GRID2: variants seen among roughly 807,000 people sequenced by gnomAD.
The protein encoded by GRID2 is glutamate receptor ionotropic, delta-2.
A neutral mutation model predicts 114.8 loss-of-function variants in GRID2; 33 were observed. The observed-to-expected ratio is 0.29, with a 90% CI of 0.22 to 0.38. The LOEUF (loss-of-function observed/expected upper bound fraction) is 0.38. GRID2 is among the 10% of genes least tolerant of loss of function. The pLI, the probability that GRID2 is intolerant of heterozygous loss-of-function variation, is 1.00. For synonymous variants in GRID2, 505 were observed against 449.9 expected (o/e 1.12, Z -1.55); for missense variants, 1,184 against 1,257.7 (o/e 0.94, Z 0.89).
In GRID2 at chr4:93,324,324, C is replaced by T. The variant is rs547724294; in HGVS notation, c.1246-71283C>T. 5.3e-5 allele frequency among the ~76,000 whole-genome samples: 8 copies of T among 152,088 alleles called. No homozygotes were observed. The South Asian group carries it at 8.3e-4, about 16-fold the overall frequency. ...AGATAATCATGTGGTTTTTGTCTTT[C>T]GTTCTGTTTATATGATGGATTATGT... On this transcript the variant is annotated intron_variant, in intron 8 of 15. Coordinates refer to ENST00000282020, the MANE Select transcript of GRID2 (RefSeq NM_001510.4).
At chr4:92,697,523 A>T (rs1201574950) in intron 2 of GRID2, among the ~76,000 whole-genome samples, 4 of 152,174 alleles carry the variant, frequency 2.6e-5, no homozygotes, top group Admixed American at 2.6e-4. Flanking sequence ...TTAAGAAGAG[A>T]TAACTGGCAT....
chr4:92,758,389 C>CT (rs534271482), intron 2 of GRID2, among the ~76,000 whole-genome samples: 2 of 151,984 alleles, frequency 1.3e-5, no homozygotes, highest in Admixed American at 6.6e-5. Flanking sequence ...AACAAGAACC[C>CT]TTTTTTTGTT....
intron 14 of GRID2, among the ~76,000 whole-genome samples, chr4:93,657,106 T>A (rs1400193619): frequency 7.9e-5 from 12 of 152,058 alleles, no homozygotes; most frequent in Non-Finnish European, 1.5e-4. Flanking sequence ...CCTAGGATAA[T>A]ATACATTGAT....
intron 4 of GRID2, among the ~76,000 whole-genome samples, chr4:93,153,495 C>G (rs141359157): frequency 0.015 from 2,261 of 152,114 alleles, 27 homozygotes; most frequent in Non-Finnish European, 0.024. Context: ...TTTTCCTAAG[C>G]ATGGTGGTGA....
At chr4:92,996,119 G>C (rs1191523589) in intron 2 of GRID2, among the ~76,000 whole-genome samples, 4 of 151,700 alleles carry the variant, frequency 2.6e-5, no homozygotes, top group African/African-American at 9.7e-5. Flanking sequence ...GTGAAACCCT[G>C]TCTCTACTAG....
chr4:92,688,578 T>C (rs1449267390), intron 2 of GRID2, among the ~76,000 whole-genome samples: 2 of 152,182 alleles, frequency 1.3e-5, no homozygotes, highest in Admixed American at 6.5e-5. Flanking sequence ...TGTCACTGAA[T>C]GTAGTGGCAA....
intron 2 of GRID2, among the ~76,000 whole-genome samples, chr4:92,633,299 CTTTG>C (rs1356453122): frequency 1.3e-5 from 2 of 152,032 alleles, no homozygotes; most frequent in South Asian, 2.1e-4. Context: ...GAAAAAAAAA[CTTTG>C]TTTCTCAGTA....
At chr4:93,296,108 T>C (rs1754280071) in intron 8 of GRID2, among the ~76,000 whole-genome samples, 2 of 152,186 alleles carry the variant, frequency 1.3e-5, no homozygotes, top group African/African-American at 2.4e-5. Context: ...GATAATGGTG[T>C]TGGCAGGCCA....
intron 1 of GRID2, among the ~76,000 whole-genome samples, chr4:92,467,624 A>G (rs1299697551): frequency 6.6e-6 from 1 of 151,968 alleles, no homozygotes; most frequent in Non-Finnish European, 1.5e-5. Context: ...CATCTAGAAC[A>G]GGGGTAGGGG....
At chr4:93,022,773 T>C (rs1304441082) in intron 2 of GRID2, among the ~76,000 whole-genome samples, 1 of 152,064 alleles carries the variant, frequency 6.6e-6, no homozygotes, top group Non-Finnish European at 1.5e-5. Flanking sequence ...ATGCTCATTT[T>C]TTCTTATTTT....
intron 1 of GRID2, among the ~76,000 whole-genome samples, chr4:92,330,971 T>G (rs1726854400): frequency 6.6e-6 from 1 of 152,272 alleles, no homozygotes; most frequent in Non-Finnish European, 1.5e-5. Flanking sequence ...AAAATTCATT[T>G]AAAAACTCTT....
intron 8 of GRID2, among the ~76,000 whole-genome samples, chr4:93,300,833 T>C (rs112743933): frequency 0.054 from 8,266 of 152,256 alleles, 757 homozygotes; most frequent in African/African-American, 0.19. Flanking sequence ...ATGAAAGTGT[T>C]GTGATTGATT....
At chr4:92,671,070 A>G (rs1021158723) in intron 2 of GRID2, among the ~76,000 whole-genome samples, 7 of 152,144 alleles carry the variant, frequency 4.6e-5, no homozygotes, top group African/African-American at 1.4e-4. Context: ...TAATTTATGA[A>G]GAAAAGAGAT....
At chr4:92,647,331 G>C (rs1378269393) in intron 2 of GRID2, among the ~76,000 whole-genome samples, 2 of 31,406 alleles carry the variant, frequency 6.4e-5, no homozygotes, top group Non-Finnish European at 1.5e-4. Flanking sequence ...GGGGACCTGA[G>C]ATAATTTTGT....
intron 2 of GRID2, among the ~76,000 whole-genome samples, chr4:92,891,279 AGC>A: frequency 6.6e-6 from 1 of 152,306 alleles, no homozygotes; most frequent in Non-Finnish European, 1.5e-5. Context: ...AAAAAGCAGA[AGC>A]AATTAATAGT....
intron 4 of GRID2, among the ~76,000 whole-genome samples, chr4:93,113,616 T>A (rs2149354558): frequency 6.6e-6 from 1 of 152,338 alleles, no homozygotes; most frequent in East Asian, 1.9e-4. Context: ...CTCAAGTTTA[T>A]AGCCTGGTGT....
At chr4:93,494,373 G>C (rs914256548) in intron 12 of GRID2, among the ~76,000 whole-genome samples, 3 of 151,750 alleles carry the variant, frequency 2.0e-5, no homozygotes, top group Non-Finnish European at 2.9e-5. Flanking sequence ...AGGGGAGAGA[G>C]AGAGAGAGGG....
chr4:93,043,485 A>G (rs1319322560), intron 2 of GRID2, among the ~76,000 whole-genome samples: 3 of 152,190 alleles, frequency 2.0e-5, no homozygotes, highest in East Asian at 3.9e-4. Context: ...TTCACAGACT[A>G]TGGCCAAACC....
rs532168119 is a variant in GRID2, at chr4:92,646,695, G to A, written c.244+56409G>A. 5.3e-5 allele frequency among the ~76,000 whole-genome samples: 8 copies of A among 152,334 alleles called. No homozygotes were observed. In the South Asian group the frequency reaches 1.4e-3, roughly 28 times the overall value. On this transcript the variant is annotated intron_variant, in intron 2 of 15. Coordinates refer to ENST00000282020, the MANE Select transcript of GRID2 (RefSeq NM_001510.4). ...AACAAATGTAAAACAGGTTATTGAG[G>A]CAAAAACTATTTTCATGGTGTCTAT...
Sources: gnomAD v4.1 joint callset for allele counts (sites outside exome capture counted in the v4.1 genomes callset) on GRCh38, gnomAD v4.1.1 for gene constraint, MANE v1.5 for transcripts, NCBI Gene and HGNC (gene_info 2026-07-23, HGNC 2026-07-21) for gene names.